The following DISC1 variants were observed in gnomAD, a reference collection of about 807,000 sequenced individuals.
DISC1 encodes the protein DISC1 scaffold protein, also known as disrupted in schizophrenia 1 protein.
A neutral mutation model predicts 84.5 loss-of-function variants in DISC1; 57 were observed. The observed-to-expected ratio is 0.67, with a 90% CI of 0.55 to 0.84. The LOEUF is 0.84. DISC1 is among the 40% of genes least tolerant of loss of function. The probability of loss-of-function intolerance (pLI) is 0.00; values close to 1 mark genes in which losing one functional copy is unlikely to be tolerated. For missense variants in DISC1, 1,000 were observed against 1,057.8 expected, an observed-to-expected ratio of 0.95 and a Z score of 0.76; for synonymous variants, 411 against 415.2, an observed-to-expected ratio of 0.99 and a Z score of 0.12.
intron 1 of DISC1, among the ~76,000 whole-genome samples, chr1:231,671,962 A>G (rs537865517): frequency 9.9e-5 from 15 of 152,258 alleles, no homozygotes; most frequent in African/African-American, 2.9e-4. Flanking sequence ...TTCCTCCCCA[A>G]TTTCTCAATC....
intron 3 of DISC1, among the ~76,000 whole-genome samples, chr1:231,721,903 C>T (rs1351571968): frequency 1.3e-5 from 2 of 152,064 alleles, no homozygotes; most frequent in Admixed American, 6.5e-5. Context: ...CCTGGAATCC[C>T]AGCACTTTGG....
intron 9 of DISC1, among the ~76,000 whole-genome samples, chr1:231,890,527 C>G (rs569191241): frequency 6.6e-6 from 1 of 152,256 alleles, no homozygotes; most frequent in African/African-American, 2.4e-5. Flanking sequence ...TAGTCAAATA[C>G]ATAGAAACAG....
chr1:232,013,384 A>G (rs1273850919), intron 11 of DISC1, among the ~76,000 whole-genome samples: 1 of 152,156 alleles, frequency 6.6e-6, no homozygotes, highest in African/African-American at 2.4e-5. Flanking sequence ...ATAAGACACA[A>G]CGCAACCAGG....
intron 8 of DISC1, among the ~76,000 whole-genome samples, chr1:231,802,012 G>T (rs555217404): frequency 1.3e-5 from 2 of 152,100 alleles, no homozygotes; most frequent in East Asian, 3.9e-4. Context: ...TAGAGACGGG[G>T]TTTCACTGTG....
At chr1:231,928,667 C>A (rs2090485425) in intron 9 of DISC1, among the ~76,000 whole-genome samples, 1 of 152,184 alleles carries the variant, frequency 6.6e-6, no homozygotes, top group African/African-American at 2.4e-5. Context: ...GATTTGAGAT[C>A]TTTCCCACTT....
chr1:231,702,271 C>T lies in DISC1; in HGVS notation c.1117+247C>T, dbSNP rs923293667. ...TGTCCAGAAACACTTAGCATACTCA[C>T]ACAATAAAAATTATATTAGCTTGCC... On this transcript the variant is annotated intron_variant, in intron 3 of 12. Transcript: ENST00000439617. The T allele has an allele frequency of 5.1e-6, 6 of 1,186,084 alleles. No homozygotes were observed. In the African/African-American group the frequency reaches 9.7e-5, roughly 19 times the overall value. The allele number at this position is 1,186,084 out of a possible 1,614,324, so 73.5% of individuals were successfully genotyped here.
intron 8 of DISC1, among the ~76,000 whole-genome samples, chr1:231,813,649 G>A (rs2080568340): frequency 6.6e-6 from 1 of 152,154 alleles, no homozygotes; most frequent in Admixed American, 6.5e-5. Flanking sequence ...TTCCTAAATG[G>A]GTCCAACCCA....
chr1:231,656,171 C>T (rs909031362), intron 1 of DISC1, among the ~76,000 whole-genome samples: 2 of 151,874 alleles, frequency 1.3e-5, no homozygotes, highest in Admixed American at 6.6e-5. Flanking sequence ...GGCTACTATC[C>T]AAAATAATTT....
intron 9 of DISC1, chr1:231,866,830 T>C: frequency 1.2e-6 from 1 of 868,848 alleles, no homozygotes; most frequent in Non-Finnish European, 1.5e-6. Flanking sequence ...GAGGAAATGT[T>C]GTCATTGCGG....
intron 3 of DISC1, among the ~76,000 whole-genome samples, chr1:231,749,669 A>G (rs2074387062): frequency 6.6e-6 from 1 of 152,240 alleles, no homozygotes; most frequent in South Asian, 2.1e-4. Context: ...GACCATAATT[A>G]TGACCATCAT....
At chr1:231,774,010 C>G (rs2076762987) in intron 6 of DISC1, among the ~76,000 whole-genome samples, 1 of 152,106 alleles carries the variant, frequency 6.6e-6, no homozygotes, top group South Asian at 2.1e-4. Flanking sequence ...CACCTATAAT[C>G]CCAGCACTTT....
intron 5 of DISC1, among the ~76,000 whole-genome samples, chr1:231,768,145 C>T (rs949797269): frequency 2.6e-5 from 4 of 152,150 alleles, no homozygotes; most frequent in African/African-American, 9.7e-5. Context: ...ACCCCAGAGG[C>T]AGGGAATCTT....
rs116166473 is a variant in DISC1, at chr1:231,981,819, G to A, written c.2042+22931G>A. On this transcript the variant is annotated intron_variant, in intron 10 of 12. Coordinates refer to ENST00000439617, the MANE Select transcript of DISC1 (RefSeq NM_018662.3). Reference sequence around the variant, plus strand: ...TGGGGAGAACCAGTCTGACCAGACAGAAAGGGTTATTGTGGTTTGACGGTC... The same window carrying A: ...TGGGGAGAACCAGTCTGACCAGACAAAAAGGGTTATTGTGGTTTGACGGTC... Among the ~76,000 whole-genome samples the A allele has an allele frequency of 9.9e-4, 151 of 152,280 alleles. 1 individual carries two copies. Among genetic ancestry groups the A allele is most frequent in the African/African-American group, 3.5e-3 (147 of 41,568 alleles).
chr1:231,847,035 G>T (rs1033974546), intron 9 of DISC1, among the ~76,000 whole-genome samples: 7 of 152,140 alleles, frequency 4.6e-5, no homozygotes, highest in Non-Finnish European at 8.8e-5. Context: ...ATTTACATTA[G>T]TTTGCTAGGC....
chr1:231,775,704 A>C (rs1405414333), intron 6 of DISC1, among the ~76,000 whole-genome samples: 1 of 152,182 alleles, frequency 6.6e-6, no homozygotes, highest in African/African-American at 2.4e-5. Flanking sequence ...ACCACTTAAA[A>C]GATATGTTCA....
intron 12 of DISC1, among the ~76,000 whole-genome samples, chr1:232,026,773 T>C (rs571607530): frequency 2.5e-3 from 362 of 142,542 alleles, no homozygotes; most frequent in Non-Finnish European, 4.5e-3. Flanking sequence ...TTTTTTTTTT[T>C]TTTTTTTTTT....
At chr1:231,750,647 C>A (rs898891445) in intron 4 of DISC1, 11 of 956,470 alleles carry the variant, frequency 1.2e-5, no homozygotes, top group African/African-American at 1.8e-5. Context: ...AATGTCCAGG[C>A]TCCTCCCCAG....
At chr1:231,910,205 G>T (rs1161409401) in intron 9 of DISC1, among the ~76,000 whole-genome samples, 2 of 151,972 alleles carry the variant, frequency 1.3e-5, no homozygotes, top group East Asian at 1.9e-4. Context: ...GTTATCTCTT[G>T]CCTTCTGCTA....
intron 1 of DISC1, among the ~76,000 whole-genome samples, chr1:231,682,527 C>T (rs1178568512): frequency 6.6e-6 from 1 of 152,156 alleles, no homozygotes; most frequent in African/African-American, 2.4e-5. Context: ...TCCCATTTCA[C>T]AGATGAGATA....
Sources: allele counts gnomAD v4.1 joint callset (sites outside exome capture counted in the v4.1 genomes callset), GRCh38; gene constraint gnomAD v4.1.1; transcripts MANE v1.5; gene names NCBI Gene and HGNC (gene_info 2026-07-23, HGNC 2026-07-21).